HHAT: variants seen among roughly 807,000 people sequenced by gnomAD.
The protein encoded by HHAT is hedgehog acyltransferase, also known as protein-cysteine N-palmitoyltransferase HHAT.
HHAT carries 47 observed loss-of-function variants against 70.8 expected under a neutral mutation model. That is an observed-to-expected ratio of 0.66 (90% CI 0.53 to 0.85). The LOEUF (loss-of-function observed/expected upper bound fraction) is 0.85, where lower values mean the gene tolerates loss of function less well. HHAT is among the 40% of genes least tolerant of loss of function. HHAT has a pLI of 0.00. For synonymous variants in HHAT, 228 were observed against 247.6 expected (o/e 0.92, Z 0.74); for missense variants, 609 against 604.8 (o/e 1.01, Z -0.07).
intron 8 of HHAT, 122 bp downstream of exon 8, chr1:210,464,777 A>G: frequency 1.0e-6 from 1 of 971,552 alleles, no homozygotes; most frequent in South Asian, 1.6e-5. Context: ...TGCATTTGGC[A>G]TCCATTTCTT....
chr1:210,584,378 G>T (rs1659961134), intron 9 of HHAT, among the ~76,000 whole-genome samples: 1 of 152,088 alleles, frequency 6.6e-6, no homozygotes, highest in Non-Finnish European at 1.5e-5. Context: ...TCATCCTTTT[G>T]CAATAGGTTT....
At chr1:210,440,309 G>A (rs1469649708) in intron 7 of HHAT, among the ~76,000 whole-genome samples, 1 of 151,746 alleles carries the variant, frequency 6.6e-6, no homozygotes, top group Non-Finnish European at 1.5e-5. Flanking sequence ...GACAGAGGGA[G>A]GAGCCAACTG....
chr1:210,394,753 A>C (rs1253598965), intron 4 of HHAT, among the ~76,000 whole-genome samples: 5 of 152,146 alleles, frequency 3.3e-5, no homozygotes, highest in African/African-American at 4.8e-5. Flanking sequence ...CAACCTCTGG[A>C]AGGCTGCAGG....
chr1:210,428,748 G>A (rs903645735), intron 7 of HHAT, among the ~76,000 whole-genome samples: 3 of 151,788 alleles, frequency 2.0e-5, no homozygotes, highest in Non-Finnish European at 2.9e-5. Context: ...AGGCTAAGGC[G>A]AGTGGATGGC....
chr1:210,397,337 A>G lies in HHAT; in HGVS notation c.274-3131A>G, dbSNP rs76189275. 3.1e-3 allele frequency among the ~76,000 whole-genome samples: 473 copies of G among 152,368 alleles called. 4 individuals carry two copies. Among genetic ancestry groups the G allele is most frequent in the African/African-American group, 0.01 (435 of 41,584 alleles). ...ATTCTTTGTCTTCTTTCAAGTAACA[A>G]GTAATTCCCAATCATCTTCATAATT... is the stretch of plus-strand genomic sequence containing the variant. On this transcript the variant is annotated intron_variant, in intron 4 of 11. Transcript: ENST00000261458.
At chr1:210,474,623 A>G (rs1298997163) in intron 8 of HHAT, among the ~76,000 whole-genome samples, 1 of 152,098 alleles carries the variant, frequency 6.6e-6, no homozygotes, top group Non-Finnish European at 1.5e-5. Flanking sequence ...CATGCATTCC[A>G]GGTTCTGTGT....
At position 210,414,330 on chromosome 1, in the gene HHAT, A is replaced by G. The variant is rs1046439692; in HGVS notation, c.685-3824A>G. Among the ~76,000 whole-genome samples the G allele has an allele frequency of 7.2e-5, 11 of 152,190 alleles. 1 individual carries two copies. The highest frequency in any genetic ancestry group is 7.2e-4 in the Admixed American group (11 of 15,288). On this transcript the variant is annotated intron_variant, in intron 6 of 11. Coordinates refer to ENST00000261458, the MANE Select transcript of HHAT (RefSeq NM_018194.6). ...TCTTTGGGGGTTAGGATTTCAACATATGAATTTTAGTGGGGCACAAACATG... is the reference window on the plus strand; with the variant it reads ...TCTTTGGGGGTTAGGATTTCAACATGTGAATTTTAGTGGGGCACAAACATG...
rs1553313987 is a variant in HHAT, at chr1:210,340,242, G to GGGGAAAAAAAAAAAAA, written c.-43-8691_-43-8690insGGGAAAAAAAAAAAAA. 3.0e-5 allele frequency among the ~76,000 whole-genome samples: 3 copies of GGGGAAAAAAAAAAAAA among 99,782 alleles called. 1 individual carries two copies. Among genetic ancestry groups the GGGGAAAAAAAAAAAAA allele is most frequent in the African/African-American group, 1.0e-4 (3 of 29,626 alleles). 65.5% of individuals were successfully genotyped at this position (99,782 alleles called of 152,430 possible). Reference sequence around the variant, plus strand: ...GGGGATAGAGCAAGACTCTGTCTCAGAAAAAAAAAAAAAAAAAAAAAAAAA... The same window carrying GGGGAAAAAAAAAAAAA: ...GGGGATAGAGCAAGACTCTGTCTCAGGGGAAAAAAAAAAAAAAAAAAAAAAAAAAAAAAAAAAAAAA... On this transcript the variant is annotated intron_variant, in intron 1 of 11. Coordinates refer to ENST00000261458, the MANE Select transcript of HHAT (RefSeq NM_018194.6).
At chr1:210,511,744 TGG>T (rs2148578861) in intron 8 of HHAT, among the ~76,000 whole-genome samples, 1 of 148,798 alleles carries the variant, frequency 6.7e-6, no homozygotes, top group Non-Finnish European at 1.5e-5. Flanking sequence ...TGATTCTGCC[TGG>T]GGGACTATAT....
intron 3 of HHAT, among the ~76,000 whole-genome samples, chr1:210,384,747 G>C (rs2090912727): frequency 6.6e-6 from 1 of 152,188 alleles, no homozygotes. Context: ...AATGGGGGAA[G>C]GGACAGATCA....
chr1:210,662,460 G>A (rs1574083207), intron 11 of HHAT, among the ~76,000 whole-genome samples: 1 of 152,228 alleles, frequency 6.6e-6, no homozygotes, highest in African/African-American at 2.4e-5. Flanking sequence ...GTTTTATAGT[G>A]TGGTCATGAA....
chr1:210,414,328 A>G (rs1029439163), intron 6 of HHAT, among the ~76,000 whole-genome samples: 4 of 152,182 alleles, frequency 2.6e-5, no homozygotes, highest in East Asian at 3.9e-4. Context: ...GGATTTCAAC[A>G]TATGAATTTT....
intron 9 of HHAT, among the ~76,000 whole-genome samples, chr1:210,553,829 T>C (rs1440329361): frequency 6.6e-6 from 1 of 152,124 alleles, no homozygotes; most frequent in East Asian, 1.9e-4. Context: ...TCTCCCTGTA[T>C]GGTTTGCTGG....
chr1:210,601,303 A>G (rs1251120664), intron 10 of HHAT, among the ~76,000 whole-genome samples: 2 of 152,190 alleles, frequency 1.3e-5, no homozygotes, highest in African/African-American at 4.8e-5. Context: ...CAAGACATAC[A>G]TATCTAGTTG....
chr1:210,472,195 T>G (rs571531188), intron 8 of HHAT, among the ~76,000 whole-genome samples: 2 of 152,198 alleles, frequency 1.3e-5, no homozygotes, highest in African/African-American at 4.8e-5. Flanking sequence ...AAAAAAATCC[T>G]CCCACACGGC....
chr1:210,421,170 A>G (rs1044106694), intron 7 of HHAT, among the ~76,000 whole-genome samples: 12 of 152,178 alleles, frequency 7.9e-5, no homozygotes, highest in Admixed American at 4.6e-4. Context: ...AAGATCCTGA[A>G]TAGCCAAAGC....
intron 11 of HHAT, among the ~76,000 whole-genome samples, chr1:210,666,128 T>C (rs959033272): frequency 1.2e-4 from 18 of 152,218 alleles, no homozygotes; most frequent in Admixed American, 9.8e-4. Context: ...ACAGCCCTGT[T>C]AGAGACAAGA....
intron 11 of HHAT, among the ~76,000 whole-genome samples, chr1:210,639,482 A>G (rs1263381541): frequency 2.6e-5 from 4 of 152,218 alleles, no homozygotes; most frequent in Non-Finnish European, 5.9e-5. Flanking sequence ...GGATGCATAG[A>G]TGTGGGGAGT....
At chr1:210,639,043 T>C (rs1400386507) in intron 11 of HHAT, among the ~76,000 whole-genome samples, 4 of 152,246 alleles carry the variant, frequency 2.6e-5, no homozygotes, top group Non-Finnish European at 5.9e-5. Context: ...CTCAATAAGC[T>C]GTTAAAAACA....
Sources: allele counts gnomAD v4.1 joint callset (sites outside exome capture counted in the v4.1 genomes callset), GRCh38; gene constraint gnomAD v4.1.1; transcripts MANE v1.5; gene names NCBI Gene and HGNC (gene_info 2026-07-23, HGNC 2026-07-21).